The following ANXA4 variants were observed in gnomAD, a reference collection of about 807,000 sequenced individuals.
The protein encoded by ANXA4 is annexin A4.
In ANXA4, 39 loss-of-function variants were observed where a neutral mutation model predicts 49.8. The observed-to-expected ratio is 0.78, with a 90% CI of 0.61 to 1.02. The LOEUF (loss-of-function observed/expected upper bound fraction) is 1.02, where lower values mean the gene tolerates loss of function less well. ANXA4 is among the 50% of genes least tolerant of loss of function. ANXA4 has a pLI of 0.00. For missense variants in ANXA4, 360 were observed against 410.1 expected (o/e 0.88, Z 1.05); for synonymous variants, 134 against 152.5 (o/e 0.88, Z 0.89).
At chr2:69,747,376 A>C (rs1407445301) in intron 1 of ANXA4, among the ~76,000 whole-genome samples, 2 of 152,192 alleles carry the variant, frequency 1.3e-5, no homozygotes, top group African/African-American at 4.8e-5. Flanking sequence ...AGCCCCCAGC[A>C]TCTTCTCTCT....
At position 69,650,772 on chromosome 2, in the gene ANXA4, G is replaced by A. The variant is rs149316788; in HGVS notation, n.482-2226G>A. 2.6e-5 allele frequency among the ~76,000 whole-genome samples: 4 copies of A among 152,352 alleles called. No homozygotes were observed. The East Asian group carries it at 7.7e-4, about 29-fold the overall frequency. On this transcript the variant is annotated intron_variant and non_coding_transcript_variant, in intron 1 of 3. Transcript: ENST00000418066. ...CCAGCTAGAGCTTTTGATCTTAAAA[G>A]AAGGCATTAAATCCTAAGTATTTCC...
chr2:69,749,252 G>T (rs62133983), intron 1 of ANXA4, among the ~76,000 whole-genome samples: 74,026 of 151,946 alleles, frequency 0.49, 18,438 homozygotes, highest in East Asian at 0.7. Context: ...GAAGGGACTA[G>T]GGGTAATGGT....
chr2:69,701,177 A>AT (rs35914400), intron 2 of ANXA4, among the ~76,000 whole-genome samples: 32,305 of 150,478 alleles, frequency 0.21, 4,074 homozygotes, highest in East Asian at 0.33. Flanking sequence ...GCCTGGCTTA[A>AT]TTTTTTTTTT....
chr2:69,811,907 C>G (rs1344952242), intron 7 of ANXA4, among the ~76,000 whole-genome samples: 3 of 152,076 alleles, frequency 2.0e-5, no homozygotes, highest in Admixed American at 6.6e-5. Context: ...CATGCCTAGA[C>G]CATGGAACAT....
At chr2:69,740,858 T>TTG (rs201810503), upstream of ANXA4, among the ~76,000 whole-genome samples, 1,067 of 141,466 alleles carry the variant, frequency 7.5e-3, 15 homozygotes, top group African/African-American at 0.025. Context: ...TATATATGTT[T>TTG]TTTTTTTTTT....
chr2:69,699,184 G>C (rs921358662), intron 2 of ANXA4, among the ~76,000 whole-genome samples: 1 of 152,136 alleles, frequency 6.6e-6, no homozygotes, highest in Non-Finnish European at 1.5e-5. Flanking sequence ...GGAGGACCTG[G>C]GCCTAGAGCC....
At chr2:69,738,845 GGATAACACCAAGT>G (rs1157077952), upstream of ANXA4, among the ~76,000 whole-genome samples, 5 of 152,180 alleles carry the variant, frequency 3.3e-5, no homozygotes, top group African/African-American at 9.7e-5. Flanking sequence ...TCTGCCAGCT[GGATAACACCAAGT>G]GACCTTTCTT....
intron 3 of ANXA4, among the ~76,000 whole-genome samples, chr2:69,725,895 A>G (rs887392296): frequency 6.6e-6 from 1 of 152,234 alleles, no homozygotes; most frequent in Admixed American, 6.5e-5. Flanking sequence ...AAAATTCTGT[A>G]AAATATGTTT....
At chr2:69,669,813 T>C (rs894351552) in intron 2 of ANXA4, among the ~76,000 whole-genome samples, 1 of 152,164 alleles carries the variant, frequency 6.6e-6, no homozygotes, top group Non-Finnish European at 1.5e-5. Context: ...CTGTCTTGTA[T>C]ACCAAATAGT....
rs148231240 is a variant in ANXA4, at chr2:69,717,131, C to T, written n.767-3643C>T. ...CAGTGGTCCTGGAAGGAGGAGCTGA[C>T]GCCCTGAGGGTGCAGGAGGTGGCTG... is the stretch of plus-strand genomic sequence containing the variant. On this transcript the variant is annotated intron_variant and non_coding_transcript_variant, in intron 2 of 3. Coordinates refer to the ANXA4 transcript ENST00000418066. Among the ~76,000 whole-genome samples, 257 of 152,342 alleles carry T rather than the reference C, an allele frequency of 1.7e-3. 1 individual carries two copies. The highest frequency in any genetic ancestry group is 5.8e-3 in the African/African-American group (242 of 41,580).
chr2:69,738,630 C>T (rs544773508), upstream of ANXA4, among the ~76,000 whole-genome samples: 31 of 152,252 alleles, frequency 2.0e-4, no homozygotes, highest in African/African-American at 6.0e-4. Flanking sequence ...AGCTTCCAAG[C>T]GTGCATAAGA....
chr2:69,725,206 T>C (rs1255936264), intron 3 of ANXA4, among the ~76,000 whole-genome samples: 2 of 152,126 alleles, frequency 1.3e-5, no homozygotes, highest in African/African-American at 2.4e-5. Flanking sequence ...AGGTGACATA[T>C]AGCTATTTAC....
intron 1 of ANXA4, among the ~76,000 whole-genome samples, chr2:69,765,421 C>T (rs374278302): frequency 6.6e-6 from 1 of 152,096 alleles, no homozygotes; most frequent in Non-Finnish European, 1.5e-5. Flanking sequence ...TGAATAGTAG[C>T]CATTCTAATG....
At chr2:69,819,665 G>A (rs1216517088) in intron 11 of ANXA4, among the ~76,000 whole-genome samples, 2 of 152,128 alleles carry the variant, frequency 1.3e-5, no homozygotes, top group African/African-American at 2.4e-5. Flanking sequence ...AGGAAGTATG[G>A]AGCAAGAATG....
chr2:69,661,194 A>C (rs1350990230), intron 2 of ANXA4, among the ~76,000 whole-genome samples: 2 of 151,748 alleles, frequency 1.3e-5, no homozygotes, highest in Middle Eastern at 3.4e-3. Context: ...TACTTGAAGC[A>C]TAAGATGAAA....
At chr2:69,776,510 G>C (rs1354689007) in intron 1 of ANXA4, among the ~76,000 whole-genome samples, 1 of 152,132 alleles carries the variant, frequency 6.6e-6, no homozygotes, top group African/African-American at 2.4e-5. Context: ...GATGTGATGG[G>C]TGAGGGGGTG....
At chr2:69,690,426 A>G (rs1677924226) in intron 2 of ANXA4, among the ~76,000 whole-genome samples, 1 of 152,018 alleles carries the variant, frequency 6.6e-6, no homozygotes. Context: ...TTTAGTAGAG[A>G]CGGTGTTTCA....
chr2:69,683,617 A>G (rs948527141), intron 2 of ANXA4, among the ~76,000 whole-genome samples: 1 of 152,112 alleles, frequency 6.6e-6, no homozygotes, highest in Admixed American at 6.6e-5. Context: ...TCTTCCTACC[A>G]AGACTCCCAA....
chr2:69,683,087 C>T (rs951530533), intron 2 of ANXA4, among the ~76,000 whole-genome samples: 1 of 152,130 alleles, frequency 6.6e-6, no homozygotes, highest in Admixed American at 6.5e-5. Flanking sequence ...CACAGAGAGA[C>T]AGGAATAAAG....
Sources: allele counts gnomAD v4.1 joint callset (sites outside exome capture counted in the v4.1 genomes callset), GRCh38; gene constraint gnomAD v4.1.1; transcripts MANE v1.5; gene names NCBI Gene and HGNC (gene_info 2026-07-23, HGNC 2026-07-21).